Variants in HTR7 observed in about 807,000 individuals in gnomAD.
HTR7 encodes 5-HT-7.
A neutral mutation model predicts 34.0 loss-of-function variants in HTR7; 16 were observed. The ratio of observed to expected loss-of-function variants is 0.47; its 90% CI spans 0.32 to 0.71. The LOEUF (loss-of-function observed/expected upper bound fraction) is 0.71, where lower values mean the gene tolerates loss of function less well. HTR7 is among the 30% of genes least tolerant of loss of function. The probability of loss-of-function intolerance (pLI) is 0.04; values close to 1 mark genes in which losing one functional copy is unlikely to be tolerated. For missense variants in HTR7, 504 were observed against 625.5 expected (o/e 0.81, Z 2.07); for synonymous variants, 265 against 260.2 (o/e 1.02, Z -0.18).
intron 1 of HTR7, among the ~76,000 whole-genome samples, chr10:90,757,021 T>C (rs1844842550): frequency 6.6e-6 from 1 of 152,208 alleles, no homozygotes; most frequent in South Asian, 2.1e-4. Context: ...GAATTTGGCC[T>C]TTTATTCCTC....
intron 1 of HTR7, among the ~76,000 whole-genome samples, chr10:90,769,762 C>A (rs1845077867): frequency 6.6e-6 from 1 of 152,170 alleles, no homozygotes; most frequent in African/African-American, 2.4e-5. Context: ...ATTCCAAAAT[C>A]CAAAGCAAAA....
chr10:90,788,354 G>A (rs115534260), intron 1 of HTR7, among the ~76,000 whole-genome samples: 1 of 152,080 alleles, frequency 6.6e-6, no homozygotes, highest in Non-Finnish European at 1.5e-5. Flanking sequence ...CACTTTAAAC[G>A]GAGCTCTTCT....
At chr10:90,847,361 C>A (rs1361842465) in intron 1 of HTR7, among the ~76,000 whole-genome samples, 1 of 151,972 alleles carries the variant, frequency 6.6e-6, no homozygotes, top group Non-Finnish European at 1.5e-5. Flanking sequence ...AAAAAAAAAG[C>A]AGTTGGTGGC....
chr10:90,807,901 T>G (rs1845729116), intron 1 of HTR7, among the ~76,000 whole-genome samples: 1 of 152,166 alleles, frequency 6.6e-6, no homozygotes, highest in Non-Finnish European at 1.5e-5. Flanking sequence ...CGGCCTCTTC[T>G]TACTCTCTTC....
At chr10:90,821,819 G>C (rs533908284) in intron 1 of HTR7, among the ~76,000 whole-genome samples, 2 of 152,094 alleles carry the variant, frequency 1.3e-5, no homozygotes, top group East Asian at 1.9e-4. Context: ...CATGAGATCT[G>C]GTTGTTTGAA....
chr10:90,857,752 C>T lies in HTR7; in HGVS notation c.-81G>A, dbSNP rs997150096. On this transcript the variant is annotated 5_prime_UTR_variant, in exon 1 of 4. The change creates a new upstream start codon in the 5' untranslated region. Coordinates refer to ENST00000336152, the MANE Select transcript of HTR7 (RefSeq NM_019859.4). This position sits in a 1 kb window ranked among gnomAD's most constrained non-coding sequence, Gnocchi z 6.5. ...CTGCCGGCCCCGGGGCTTCACCTCA[C>T]CGGTTCCGCTCCGCCCGGCCCAGCC... 1 of 1,338,350 alleles carries T rather than the reference C, an allele frequency of 7.5e-7. No individual in the cohort carries two copies. Among genetic ancestry groups the T allele is most frequent in the African/African-American group, 1.6e-5 (1 of 64,154 alleles). The allele number at this position is 1,338,350 out of a possible 1,614,324, so 82.9% of individuals were successfully genotyped here. A position where few individuals can be genotyped will look rare whatever the true frequency, so the allele number is the denominator to read the frequency against.
At chr10:90,803,800 C>T (rs1290144704) in intron 1 of HTR7, among the ~76,000 whole-genome samples, 1 of 152,112 alleles carries the variant, frequency 6.6e-6, no homozygotes, top group Non-Finnish European at 1.5e-5. Flanking sequence ...GTGTTCTTGG[C>T]TAAGCCATAA....
Position 90,857,564 on chromosome 10 carries a change from G to A in HTR7, c.108C>T (p.Gly36=). 1 of 1,595,186 alleles carries A rather than the reference G, an allele frequency of 6.3e-7. No individual in the cohort carries two copies. Among genetic ancestry groups the A allele is most frequent in the Non-Finnish European group, 8.5e-7 (1 of 1,172,288 alleles). The change falls in exon 1 of 4, where the codon GGC becomes GGT. Residue 36 remains glycine, a synonymous_variant. Coordinates refer to ENST00000336152, the MANE Select transcript of HTR7 (RefSeq NM_019859.4). The surrounding 1 kb of genome is among the most constrained non-coding windows in gnomAD (Gnocchi z 6.5). The part of the protein sequence containing the change: ...RGLPDLSPDG[G]ADPVAGSWAP... ...CCCAGGAGCCCGCGACCGGGTCGGCGCCACCGTCGGGGCTCAAGTCGGGCA... is the reference window on the plus strand; with the variant it reads ...CCCAGGAGCCCGCGACCGGGTCGGCACCACCGTCGGGGCTCAAGTCGGGCA...
At chr10:90,828,570 T>C (rs181080615) in intron 1 of HTR7, among the ~76,000 whole-genome samples, 1 of 152,194 alleles carries the variant, frequency 6.6e-6, no homozygotes, top group East Asian at 1.9e-4. Context: ...AGGCTTAATA[T>C]GCCACTAAAT....
rs140093372 is a variant in HTR7, at chr10:90,822,997, T to C, written c.539+34136A>G. On this transcript the variant is annotated intron_variant, in intron 1 of 3. Coordinates refer to ENST00000336152, the MANE Select transcript of HTR7 (RefSeq NM_019859.4). The stretch of plus-strand genomic sequence containing the variant: ...CTCCACCTAGATCTCAGATGATGTA[T>C]GGAAATGCCTGGATGTGCAGGCAGA... 1.0e-3 allele frequency among the ~76,000 whole-genome samples: 154 copies of C among 152,224 alleles called. 1 individual carries two copies. The highest frequency in any genetic ancestry group is 3.4e-3 in the Middle Eastern group (1 of 294).
chr10:90,744,912 T>G (rs1004239763), intron 2 of HTR7, among the ~76,000 whole-genome samples: 16 of 152,196 alleles, frequency 1.1e-4, no homozygotes, highest in African/African-American at 3.6e-4. Context: ...AGCTCCCACA[T>G]TGGTGCCTTT....
At chr10:90,782,022 T>C (rs937199607) in intron 1 of HTR7, among the ~76,000 whole-genome samples, 2 of 152,212 alleles carry the variant, frequency 1.3e-5, no homozygotes, top group African/African-American at 2.4e-5. Context: ...GACCAAGCAT[T>C]GGCCTCTGGC....
chr10:90,788,836 G>A (rs977088649), intron 1 of HTR7, among the ~76,000 whole-genome samples: 1 of 152,082 alleles, frequency 6.6e-6, no homozygotes, highest in African/African-American at 2.4e-5. Context: ...AAAAATTCAG[G>A]GAAATAGAGT....
At chr10:90,816,356 A>G (rs1461428985) in intron 1 of HTR7, among the ~76,000 whole-genome samples, 1 of 152,236 alleles carries the variant, frequency 6.6e-6, no homozygotes. Context: ...TATTTTGCAC[A>G]TAAATTGGCC....
chr10:90,778,176 C>T (rs922748935), intron 1 of HTR7, among the ~76,000 whole-genome samples: 1 of 152,202 alleles, frequency 6.6e-6, no homozygotes, highest in African/African-American at 2.4e-5. Context: ...GTTTGAATGT[C>T]TGTCCCTTCA....
At chr10:90,744,849 C>G (rs1844609986) in intron 2 of HTR7, among the ~76,000 whole-genome samples, 1 of 152,210 alleles carries the variant, frequency 6.6e-6, no homozygotes, top group Non-Finnish European at 1.5e-5. Flanking sequence ...GCTTTGATCT[C>G]TAACAGTTCC....
intron 1 of HTR7, among the ~76,000 whole-genome samples, chr10:90,847,687 C>T (rs1256514994): frequency 1.3e-5 from 2 of 152,160 alleles, no homozygotes; most frequent in Non-Finnish European, 2.9e-5. Context: ...TATTACAGCT[C>T]TTGCAAATAA....
At chr10:90,785,810 C>T (rs111433409) in intron 1 of HTR7, among the ~76,000 whole-genome samples, 2,608 of 152,200 alleles carry the variant, frequency 0.017, 87 homozygotes, top group African/African-American at 0.058. Flanking sequence ...GAACGCACCA[C>T]AACACCTGAT....
intron 1 of HTR7, among the ~76,000 whole-genome samples, chr10:90,805,605 T>C (rs551603648): frequency 6.6e-6 from 1 of 152,330 alleles, no homozygotes; most frequent in Admixed American, 6.5e-5. Context: ...AAATGTAGAG[T>C]TGCCTAGCTA....
Sources: allele counts gnomAD v4.1 joint callset (sites outside exome capture counted in the v4.1 genomes callset), GRCh38; gene constraint gnomAD v4.1.1; non-coding constraint Gnocchi (gnomAD v3.1); transcripts MANE v1.5; gene names NCBI Gene and HGNC (gene_info 2026-07-23, HGNC 2026-07-21).